The following GRXCR1 variants were observed in gnomAD, a reference collection of about 807,000 sequenced individuals.
GRXCR1 encodes glutaredoxin domain-containing cysteine-rich protein 1.
Under a neutral mutation model 27.3 loss-of-function variants are expected in GRXCR1, and 27 were observed. That is an observed-to-expected ratio of 0.99 (90% CI 0.73 to 1.37). GRXCR1 has a LOEUF of 1.37. Among genes scored for constraint, GRXCR1 ranks in the 40% most tolerant of loss-of-function variants. The probability of loss-of-function intolerance (pLI) is 0.00; values close to 1 mark genes in which losing one functional copy is unlikely to be tolerated. For missense variants in GRXCR1, 379 were observed against 354.4 expected (o/e 1.07, Z -0.56); for synonymous variants, 122 against 131.1 (o/e 0.93, Z 0.47).
rs1746274491 is a variant in GRXCR1 at position 42,893,318 on chromosome 4, T to C, written c.52T>C (p.Phe18Leu). 12 of 1,613,644 alleles carry C rather than the reference T, an allele frequency of 7.4e-6. No individual in the cohort carries two copies. The highest frequency in any genetic ancestry group is 1.3e-5 in the African/African-American group (1 of 74,888). The part of the protein sequence containing the change: ...PESDRPRKVR[F>L]RIASSHSGRV... ...AAGTGACAGGCCACGGAAAGTCCGG[T>C]TTCGGATCGCGTCCTCTCACAGTGG... The change falls in exon 1 of 4, where the codon TTT becomes CTT. Residue 18 changes from phenylalanine (F) to leucine (L), a missense_variant. By Grantham distance (22) the Phe-to-Leu change is conservative. Transcript: ENST00000399770.
chr4:42,980,995 T>C (rs2109784776), intron 2 of GRXCR1, among the ~76,000 whole-genome samples: 1 of 151,920 alleles, frequency 6.6e-6, no homozygotes, highest in Non-Finnish European at 1.5e-5. Context: ...ACTGTATCTT[T>C]TTATTGGAGA....
At chr4:42,903,980 T>C (rs1207703443) in intron 1 of GRXCR1, among the ~76,000 whole-genome samples, 1 of 152,162 alleles carries the variant, frequency 6.6e-6, no homozygotes, top group African/African-American at 2.4e-5. Flanking sequence ...AACCAACTAT[T>C]TCAGGGAACA....
chr4:42,988,433 T>A (rs1050036595), intron 2 of GRXCR1, among the ~76,000 whole-genome samples: 1 of 152,168 alleles, frequency 6.6e-6, no homozygotes. Context: ...AGAGCAGAAG[T>A]CAGATTAAAG....
At position 43,030,584 on chromosome 4, in the gene GRXCR1, G is replaced by A. The variant is rs542887143; in HGVS notation, c.*44G>A. ...AAAAACCTCATTTTATTAATCAAAG[G>A]CAATACTTTGGTTTATATATATATT... On this transcript the variant is annotated 3_prime_UTR_variant, in exon 4 of 4. Transcript: ENST00000399770. 4 of 1,444,034 alleles carry A rather than the reference G, an allele frequency of 2.8e-6. No homozygotes were observed. The African/African-American group carries it at 4.2e-5, about 15-fold the overall frequency. The allele number at this position is 1,444,034 out of a possible 1,614,324, so 89.5% of individuals were successfully genotyped here.
At chr4:42,984,298 A>T (rs893984643) in intron 2 of GRXCR1, among the ~76,000 whole-genome samples, 6 of 151,818 alleles carry the variant, frequency 4.0e-5, no homozygotes, top group African/African-American at 1.5e-4. Context: ...TTCTCATTTC[A>T]TTAAATTGTT....
chr4:42,930,649 T>C (rs999434809), intron 1 of GRXCR1, among the ~76,000 whole-genome samples: 2 of 151,956 alleles, frequency 1.3e-5, no homozygotes, highest in Non-Finnish European at 2.9e-5. Context: ...CATAATGTAG[T>C]CATCAAGGTC....
rs188029160 is a variant in GRXCR1, at chr4:42,972,437, T to C, written c.627+9303T>C. Among the ~76,000 whole-genome samples, 11 of 152,270 alleles carry C rather than the reference T, an allele frequency of 7.2e-5. No individual in the cohort carries two copies. In the East Asian group the frequency reaches 1.7e-3, roughly 24 times the overall value. On this transcript the variant is annotated intron_variant, in intron 2 of 3. Transcript: ENST00000399770. ...AGTGTTTGTTCTGGCCTTCAGATAG[T>C]ACAGGGATAGAGAAATTTAAAATTT...
chr4:42,919,884 C>T (rs1217611412), intron 1 of GRXCR1, among the ~76,000 whole-genome samples: 1 of 152,128 alleles, frequency 6.6e-6, no homozygotes, highest in African/African-American at 2.4e-5. Flanking sequence ...TTGACTTCAT[C>T]TCTCAGAGGT....
At chr4:42,936,559 C>T (rs897571810) in intron 1 of GRXCR1, among the ~76,000 whole-genome samples, 1 of 151,830 alleles carries the variant, frequency 6.6e-6, no homozygotes, top group African/African-American at 2.4e-5. Flanking sequence ...GTACATTTGT[C>T]ACAGTTAATG....
chr4:42,943,701 T>G (rs1747676848), intron 1 of GRXCR1, among the ~76,000 whole-genome samples: 1 of 152,084 alleles, frequency 6.6e-6, no homozygotes, highest in African/African-American at 2.4e-5. Context: ...TATTTATCAC[T>G]TATTCATTCA....
chr4:42,922,039 G>A (rs1197334054), intron 1 of GRXCR1, among the ~76,000 whole-genome samples: 5 of 152,108 alleles, frequency 3.3e-5, no homozygotes, highest in African/African-American at 4.8e-5. Flanking sequence ...TTAGGCCTGG[G>A]ATATGAGTAC....
chr4:42,941,000 G>T (rs2109762851), intron 1 of GRXCR1, among the ~76,000 whole-genome samples: 1 of 151,938 alleles, frequency 6.6e-6, no homozygotes, highest in African/African-American at 2.4e-5. Context: ...AGCCTGATTT[G>T]CTCTATTGTA....
intron 1 of GRXCR1, among the ~76,000 whole-genome samples, chr4:42,921,826 C>G (rs1293071355): frequency 6.6e-6 from 1 of 152,096 alleles, no homozygotes; most frequent in African/African-American, 2.4e-5. Context: ...GCTGGAAGAA[C>G]TAGGAGAGAC....
chr4:42,913,993 C>T (rs768678222), intron 1 of GRXCR1, among the ~76,000 whole-genome samples: 36 of 152,176 alleles, frequency 2.4e-4, no homozygotes, highest in Non-Finnish European at 4.6e-4. Context: ...TTGGGAATCT[C>T]CACCTAGATT....
chr4:42,900,286 G>T (rs1031109109), intron 1 of GRXCR1, among the ~76,000 whole-genome samples: 1 of 152,046 alleles, frequency 6.6e-6, no homozygotes, highest in Non-Finnish European at 1.5e-5. Flanking sequence ...TTTTATTTAC[G>T]TGCACAAATC....
At chr4:42,974,742 A>G (rs888115991) in intron 2 of GRXCR1, among the ~76,000 whole-genome samples, 30 of 152,114 alleles carry the variant, frequency 2.0e-4, no homozygotes, top group African/African-American at 7.2e-4. Context: ...GGAAGTAACC[A>G]TTAAGCACTC....
At chr4:43,000,849 C>T (rs1206615056) in intron 2 of GRXCR1, among the ~76,000 whole-genome samples, 1 of 152,018 alleles carries the variant, frequency 6.6e-6, no homozygotes, top group Non-Finnish European at 1.5e-5. Flanking sequence ...GACTATATTA[C>T]CAATTCGTAT....
At chr4:42,896,137 G>A (rs761820106) in intron 1 of GRXCR1, among the ~76,000 whole-genome samples, 1 of 152,034 alleles carries the variant, frequency 6.6e-6, no homozygotes, top group South Asian at 2.1e-4. Context: ...ATATTTCAAA[G>A]ACCCTGTCAA....
At chr4:43,015,888 T>G (rs1419392311) in intron 2 of GRXCR1, among the ~76,000 whole-genome samples, 1 of 152,134 alleles carries the variant, frequency 6.6e-6, no homozygotes, top group Non-Finnish European at 1.5e-5. Context: ...CCTTCTGGGC[T>G]CCTCAGAAAT....
Sources: gnomAD v4.1 joint callset for allele counts (sites outside exome capture counted in the v4.1 genomes callset) on GRCh38, gnomAD v4.1.1 for gene constraint, MANE v1.5 for transcripts, NCBI Gene and HGNC (gene_info 2026-07-23, HGNC 2026-07-21) for gene names.